AKNA: variants seen among roughly 807,000 people sequenced by gnomAD.
AKNA encodes the protein AT-hook transcription factor, also known as microtubule organization protein AKNA.
AKNA carries 67 observed loss-of-function variants against 138.8 expected under a neutral mutation model. That is an observed-to-expected ratio of 0.48 (90% CI 0.40 to 0.59). AKNA has a LOEUF of 0.59. Among genes scored for constraint, AKNA ranks in the 20% least tolerant of loss-of-function variants. The pLI is 0.00. For missense variants in AKNA, 1,813 were observed against 1,880.4 expected (o/e 0.96, Z 0.66); for synonymous variants, 737 against 754.4 (o/e 0.98, Z 0.38).
At chr9:114,397,035 G>A (rs1434859088), upstream of AKNA, among the ~76,000 whole-genome samples, 2 of 152,202 alleles carry the variant, frequency 1.3e-5, no homozygotes, top group African/African-American at 4.8e-5. Context: ...GCCTCTGGCA[G>A]AGTCTGCAGG....
At position 114,341,640 on chromosome 9, in the gene AKNA, G is replaced by A. The variant is rs747595394; in HGVS notation, c.3960C>T (p.Arg1320=). ...CCAGATACCACAGTCCGGGGGGTGG[G>A]CGTGGCGACGACCCCGCCTGCTTGC... The part of the protein sequence containing the change: ...QRSKQAGSSP[R]PPPGLWYLAT... Residue 1320 remains arginine, a synonymous_variant, in exon 21 of 22, where the codon CGC becomes CGT. Transcript: ENST00000374088. The A allele has an allele frequency of 9.9e-6, 16 of 1,610,802 alleles. No individual in the cohort carries two copies. In the South Asian group the frequency reaches 1.4e-4, roughly 14 times the overall value.
At chr9:114,378,054 T>C (rs1833370447) in intron 2 of AKNA, among the ~76,000 whole-genome samples, 1 of 152,192 alleles carries the variant, frequency 6.6e-6, no homozygotes, top group Non-Finnish European at 1.5e-5. Context: ...ATCCATGTCT[T>C]CCTGTGGAAG....
At chr9:114,375,111 G>A (rs1401996332) in intron 3 of AKNA, among the ~76,000 whole-genome samples, 2 of 152,152 alleles carry the variant, frequency 1.3e-5, no homozygotes, top group South Asian at 2.1e-4. Flanking sequence ...CCCCACGCCC[G>A]TGGAGCTCAT....
At chr9:114,381,591 A>G (rs1040720591) in intron 1 of AKNA, 145 bp from the exon 2 acceptor site, 14 of 668,682 alleles carry the variant, frequency 2.1e-5, no homozygotes, top group Non-Finnish European at 2.9e-5. Context: ...ACCTTGGGCA[A>G]GTCACTCTGC....
At chr9:114,371,604 C>T (rs1418750617) in intron 4 of AKNA, among the ~76,000 whole-genome samples, 1 of 152,200 alleles carries the variant, frequency 6.6e-6, no homozygotes, top group Non-Finnish European at 1.5e-5. Context: ...GCAAACCATT[C>T]CACCTGGCTG....
At position 114,368,539 on chromosome 9, in the gene AKNA, C is replaced by T; in HGVS notation, c.1473G>A (p.Val491=). Residue 491 remains valine (V), a synonymous_variant, in exon 5 of 22, where the codon GTG becomes GTA. Coordinates refer to ENST00000374088, the MANE Select transcript of AKNA (RefSeq NM_001317950.2). ...AGGACAAGACCTTGGTCCCCTGGGG[C>T]ACCATTCCCGTGTGGATGCTGTGGT... ...QPNHSIHTGM[V]PQGTKVLSFT... The T allele has an allele frequency of 7.2e-7, 1 of 1,385,988 alleles. No homozygotes were observed. The highest frequency in any genetic ancestry group is 9.4e-7 in the Non-Finnish European group (1 of 1,062,770). 85.9% of individuals were successfully genotyped at this position (1,385,988 alleles called of 1,614,324 possible). A position where few individuals can be genotyped will look rare whatever the true frequency, so the allele number is the denominator to read the frequency against.
intron 14 of AKNA, among the ~76,000 whole-genome samples, chr9:114,354,176 T>C (rs1831322761): frequency 6.6e-6 from 1 of 152,194 alleles, no homozygotes; most frequent in Non-Finnish European, 1.5e-5. Flanking sequence ...TATAAGCTTT[T>C]TTCTATTTTT....
chr9:114,374,946 C>A (rs939673756), intron 3 of AKNA, among the ~76,000 whole-genome samples: 1 of 152,180 alleles, frequency 6.6e-6, no homozygotes, highest in African/African-American at 2.4e-5. Context: ...GCAATTAATG[C>A]AGGAATGAGA....
intron 11 of AKNA, chr9:114,359,359 G>T (rs1831748077): frequency 1.2e-6 from 1 of 814,882 alleles, no homozygotes; most frequent in Non-Finnish European, 1.8e-6. Flanking sequence ...ATGAGCCACT[G>T]TGCCCAGCTG....
chr9:114,340,225 G>A (rs561231242), intron 21 of AKNA, among the ~76,000 whole-genome samples: 2 of 152,316 alleles, frequency 1.3e-5, no homozygotes, highest in South Asian at 2.1e-4. Context: ...CAGTGACGCA[G>A]GCCCTCACTG....
intron 6 of AKNA, 82 bp from the exon 7 acceptor site, chr9:114,364,701 T>A: frequency 1.4e-6 from 2 of 1,439,974 alleles, no homozygotes; most frequent in Non-Finnish European, 2.0e-6. Context: ...TATGCCTTGG[T>A]AAGAGGAGCT....
chr9:114,387,799 G>A, intron 1 of AKNA, 61 bp downstream of exon 1: 1 of 394,810 alleles, frequency 2.5e-6, no homozygotes, highest in Non-Finnish European at 5.3e-6. Flanking sequence ...CGGAGAGTCT[G>A]TGACTGGCCC....
intron 7 of AKNA, 49 bp from the exon 8 acceptor site, chr9:114,362,582 G>T (rs775470326): frequency 6.9e-6 from 11 of 1,586,576 alleles, no homozygotes; most frequent in Non-Finnish European, 9.4e-6. Context: ...TCCCCGCGGG[G>T]CCTGTCCCTG....
rs138693566 is a variant in AKNA, at chr9:114,341,652, C to T, written c.3948G>A (p.Gly1316=). ...PSPKQRSKQA[G]SSPRPPPGLW... is the part of the protein sequence containing the mutation. ...GTCCGGGGGGTGGGCGTGGCGACGA[C>T]CCCGCCTGCTTGCTCCTCTGCTTGG... The change falls in exon 21 of 22, where the codon GGG becomes GGA. Residue 1316 remains glycine (G), a synonymous_variant. Transcript: ENST00000374088. 6.8e-6 allele frequency: 11 copies of T among 1,609,692 alleles called. No individual in the cohort carries two copies. Among genetic ancestry groups the T allele is most frequent in the Non-Finnish European group, 8.5e-6 (10 of 1,178,520 alleles).
intron 9 of AKNA, among the ~76,000 whole-genome samples, chr9:114,360,271 G>A (rs1333385573): frequency 1.3e-5 from 2 of 152,160 alleles, no homozygotes; most frequent in African/African-American, 4.8e-5. Context: ...AGCACCTGCT[G>A]TGTGCCAGGC....
In AKNA at chr9:114,381,225, T is replaced by G. The variant is rs754525164; in HGVS notation, c.109A>C (p.Ser37Arg). 4 of 1,614,192 alleles carry G rather than the reference T, an allele frequency of 2.5e-6. No homozygotes were observed. In the South Asian group the frequency reaches 4.4e-5, roughly 18 times the overall value. Residue 37 changes from serine to arginine, a missense_variant, in exon 2 of 22, where the codon AGT (serine) becomes CGT (arginine). Physicochemically the swap from Ser to Arg is moderately radical, Grantham distance 110 (BLOSUM62 -1). Transcript: ENST00000374088. ...AEDKRDVDRS[S>R]SQSWEEERLF... is the part of the protein sequence containing the mutation. ...CTCTCTTCTTCCCAGCTTTGTGAAC[T>G]ACTTCTATCCACATCCCTCTTGTCC... is the stretch of plus-strand genomic sequence containing the variant.
chr9:114,351,499 T>C (rs1303094893), intron 14 of AKNA, among the ~76,000 whole-genome samples: 3 of 152,128 alleles, frequency 2.0e-5, no homozygotes, highest in African/African-American at 7.2e-5. Context: ...TAAAAACCAC[T>C]AATCCGTCCC....
Position 114,374,175 on chromosome 9 carries a change from A to C in AKNA, c.1342-8T>G. On this transcript the variant is annotated splice_region_variant and splice_polypyrimidine_tract_variant and intron_variant, in intron 3 of 21. Transcript: ENST00000374088. ...GAGCCTGTGGTAGTCTTCCTGCAGA[A>C]AGCGGGAGCAACACGGTCACATGCG... 6.4e-7 allele frequency: 1 copy of C among 1,554,310 alleles called. No homozygotes were observed. Among genetic ancestry groups the C allele is most frequent in the South Asian group, 1.2e-5 (1 of 84,228 alleles).
downstream of AKNA, among the ~76,000 whole-genome samples, chr9:114,332,151 T>C (rs1173667506): frequency 6.6e-6 from 1 of 151,694 alleles, no homozygotes; most frequent in Non-Finnish European, 1.5e-5. Context: ...AGGGAGGACC[T>C]GAAAGCTAAC....
Sources: gnomAD v4.1 joint callset for allele counts (sites outside exome capture counted in the v4.1 genomes callset) on GRCh38, gnomAD v4.1.1 for gene constraint, MANE v1.5 for transcripts, NCBI Gene and HGNC (gene_info 2026-07-23, HGNC 2026-07-21) for gene names.